LNPK: variants seen among roughly 807,000 people sequenced by gnomAD.
LNPK encodes lunapark, ER junction formation factor, also known as endoplasmic reticulum junction formation protein lunapark.
Under a neutral mutation model 55.2 loss-of-function variants are expected in LNPK, and 29 were observed. That is an observed-to-expected ratio of 0.53 (90% CI 0.39 to 0.72). The LOEUF is 0.72. LNPK is among the 30% of genes least tolerant of loss of function. The probability of loss-of-function intolerance (pLI) is 0.00; values close to 1 mark genes in which losing one functional copy is unlikely to be tolerated. For missense variants in LNPK, 467 were observed against 494.8 expected, an observed-to-expected ratio of 0.94 and a Z score of 0.53; for synonymous variants, 162 against 168.2, an observed-to-expected ratio of 0.96 and a Z score of 0.29.
chr2:175,955,846 T>G (rs961622996), intron 8 of LNPK, among the ~76,000 whole-genome samples: 1 of 152,190 alleles, frequency 6.6e-6, no homozygotes, highest in Non-Finnish European at 1.5e-5. Context: ...CAAAAATAAC[T>G]GATTTTGAAT....
chr2:175,960,284 T>C lies in LNPK; in HGVS notation c.493+4088A>G, dbSNP rs140907306. 3.3e-4 allele frequency among the ~76,000 whole-genome samples: 50 copies of C among 152,200 alleles called. No individual in the cohort carries two copies. In the East Asian group the frequency reaches 9.1e-3, roughly 28 times the overall value. On this transcript the variant is annotated intron_variant, in intron 8 of 12. Coordinates refer to ENST00000272748, the MANE Select transcript of LNPK (RefSeq NM_030650.3). ...CTTCTCAGCATCACATCGCACTTAC[T>C]CCAAAATTGATCACATAGTTGGAAA...
chr2:176,001,598 T>C (rs1199802626), intron 1 of LNPK, among the ~76,000 whole-genome samples: 1 of 152,060 alleles, frequency 6.6e-6, no homozygotes, highest in Admixed American at 6.6e-5. Context: ...GGAGAGTCTC[T>C]TCTCTAAGTA....
chr2:175,965,013 C>G (rs1206896125), intron 6 of LNPK, among the ~76,000 whole-genome samples: 4 of 152,194 alleles, frequency 2.6e-5, no homozygotes, highest in Non-Finnish European at 4.4e-5. Flanking sequence ...AATAAAATCT[C>G]TGTGCCAATT....
At chr2:175,997,348 C>G (rs1043881430) in intron 1 of LNPK, among the ~76,000 whole-genome samples, 2 of 152,132 alleles carry the variant, frequency 1.3e-5, no homozygotes, top group African/African-American at 4.8e-5. Flanking sequence ...AATGATTAAA[C>G]TATAAATTTC....
At chr2:175,955,843 A>G (rs185809751) in intron 8 of LNPK, among the ~76,000 whole-genome samples, 6 of 152,356 alleles carry the variant, frequency 3.9e-5, no homozygotes, top group African/African-American at 1.4e-4. Context: ...CTGCAAAAAT[A>G]ACTGATTTTG....
intron 11 of LNPK, among the ~76,000 whole-genome samples, chr2:175,938,049 T>C (rs1684638265): frequency 2.0e-5 from 3 of 152,310 alleles, no homozygotes; most frequent in South Asian, 4.1e-4. Context: ...AAATGGGTCC[T>C]GGGTATCATA....
chr2:175,954,591 A>G (rs1353528058), intron 8 of LNPK, among the ~76,000 whole-genome samples: 3 of 152,182 alleles, frequency 2.0e-5, no homozygotes, highest in African/African-American at 7.2e-5. Context: ...AATTAAAAAT[A>G]CATTTTGCTT....
chr2:175,993,212 T>G lies in LNPK; in HGVS notation c.39A>C (p.Ser13=). 6.4e-7 allele frequency: 1 copy of G among 1,561,410 alleles called. No individual in the cohort carries two copies. Among genetic ancestry groups the G allele is most frequent in the East Asian group, 2.3e-5 (1 of 43,066 alleles). ...GLFSRWRTKP[S]TVEVLESIDK... is the part of the protein sequence containing the mutation. ...CTATACTTTCTAGAACTTCTACAGT[T>G]GAAGGTTTTGTCTGTTATACAAACA... is the stretch of plus-strand genomic sequence containing the variant. Residue 13 remains serine (S), a synonymous_variant, in exon 3 of 13, where the codon TCA becomes TCC. Transcript: ENST00000272748.
chr2:175,932,899 C>A (rs1220387886), intron 12 of LNPK, among the ~76,000 whole-genome samples: 1 of 152,082 alleles, frequency 6.6e-6, no homozygotes, highest in East Asian at 1.9e-4. Flanking sequence ...GCATAAAATA[C>A]TATAAGAGAA....
rs1684148190 is a variant in LNPK, at chr2:175,929,126, C to T, written c.*841G>A. Reference sequence around the variant, plus strand: ...ATATTTAGCAAAATGAAACTGATGCCAGATTATTTTCATTTTCCTTAATAA... The same window carrying T: ...ATATTTAGCAAAATGAAACTGATGCTAGATTATTTTCATTTTCCTTAATAA... On this transcript the variant is annotated 3_prime_UTR_variant, in exon 13 of 13. Transcript: ENST00000272748. The T allele has an allele frequency of 5.1e-6, 5 of 984,418 alleles. No individual in the cohort carries two copies. The highest frequency in any genetic ancestry group is 4.8e-6 in the Non-Finnish European group (4 of 829,014). The allele number at this position is 984,418 out of a possible 1,614,324, so 61.0% of individuals were successfully genotyped here.
At chr2:175,947,408 GA>G in intron 9 of LNPK, 71 bp downstream of exon 9, 1 of 1,313,646 alleles carries the variant, frequency 7.6e-7, no homozygotes, top group Non-Finnish European at 1.1e-6. Flanking sequence ...CATACCACCT[GA>G]AAATGGCCCG....
chr2:175,929,421 T>C lies in LNPK; in HGVS notation c.*546A>G. ...AGTTCTACTTAACTGTTCCACTGCATTCTTATTGAGAATTCGTACCAGTGC... is the reference window on the plus strand; with the variant it reads ...AGTTCTACTTAACTGTTCCACTGCACTCTTATTGAGAATTCGTACCAGTGC... On this transcript the variant is annotated 3_prime_UTR_variant, in exon 13 of 13. Transcript: ENST00000272748. 1.0e-6 allele frequency: 1 copy of C among 986,098 alleles called. No homozygotes were observed. Among genetic ancestry groups the C allele is most frequent in the Non-Finnish European group, 1.2e-6 (1 of 830,096 alleles). 61.1% of individuals were successfully genotyped at this position (986,098 alleles called of 1,614,324 possible). A position where few individuals can be genotyped will look rare whatever the true frequency, so the allele number is the denominator to read the frequency against.
intron 6 of LNPK, among the ~76,000 whole-genome samples, chr2:175,967,153 A>AT (rs954663292): frequency 1.3e-5 from 2 of 152,006 alleles, no homozygotes; most frequent in Non-Finnish European, 2.9e-5. Context: ...ACATTATAAC[A>AT]TTTTTTTGCA....
rs1683952740 is a variant in LNPK at position 175,925,126 on chromosome 2, A to G, written c.*4841T>C. On this transcript the variant is annotated 3_prime_UTR_variant, in exon 13 of 13. Transcript: ENST00000272748. Reference sequence around the variant, plus strand: ...TACTATATTTTATGAAAATCATCATATAATCAGAATATCTTTCCCCTGACA... The same window carrying G: ...TACTATATTTTATGAAAATCATCATGTAATCAGAATATCTTTCCCCTGACA... 1 of 152,172 alleles carries G rather than the reference A, an allele frequency of 6.6e-6. No homozygotes were observed. The highest frequency in any genetic ancestry group is 2.4e-5 in the African/African-American group (1 of 41,446). 9.4% of individuals were successfully genotyped at this position (152,172 alleles called of 1,614,324 possible). A position where few individuals can be genotyped will look rare whatever the true frequency, so the allele number is the denominator to read the frequency against.
At chr2:175,930,307 CACACACACACAA>C in intron 12 of LNPK, 108 bp from the exon 13 acceptor site, 4 of 377,614 alleles carry the variant, frequency 1.1e-5, no homozygotes, top group Non-Finnish European at 1.9e-5. Flanking sequence ...CACACACACA[CACACACACACAA>C]AGAAACCATA....
upstream of LNPK, chr2:176,002,313 C>T (rs758541446): frequency 2.3e-6 from 1 of 428,342 alleles, no homozygotes; most frequent in Non-Finnish European, 4.6e-6. Flanking sequence ...TCCAGCCGCT[C>T]GCCAATTGGC....
At position 175,933,169 on chromosome 2, in the gene LNPK, TTG is replaced by T. The variant is rs1157981426; in HGVS notation, c.1055-2972_1055-2971del. On this transcript the variant is annotated intron_variant, in intron 12 of 12. Transcript: ENST00000272748. ...ATATTCTTGAGATATTATTATTATT[TTG>T]TTTTACCAAATAGTAACAATTGGCT... is the stretch of plus-strand genomic sequence containing the variant. Among the ~76,000 whole-genome samples, 21 of 152,240 alleles carry T rather than the reference TTG, an allele frequency of 1.4e-4. 1 individual carries two copies. The highest frequency in any genetic ancestry group is 1.0e-3 in the South Asian group (5 of 4,810).
rs937836998 is a variant in LNPK, at chr2:175,924,051, A to G, written c.*5916T>C. 1 of 152,198 alleles carries G rather than the reference A, an allele frequency of 6.6e-6. No homozygotes were observed. Among genetic ancestry groups the G allele is most frequent in the Non-Finnish European group, 1.5e-5 (1 of 68,008 alleles). The allele number at this position is 152,198 out of a possible 1,614,324, so 9.4% of individuals were successfully genotyped here. Reference sequence around the variant, plus strand: ...ATAATTTTGAAACAAGTCAAATTACATAACTGTAACATACAGCAGATCACC... The same window carrying G: ...ATAATTTTGAAACAAGTCAAATTACGTAACTGTAACATACAGCAGATCACC... On this transcript the variant is annotated 3_prime_UTR_variant, in exon 13 of 13. Transcript: ENST00000272748.
chr2:175,992,009 A>T (rs1018089913), intron 4 of LNPK, among the ~76,000 whole-genome samples: 1 of 152,178 alleles, frequency 6.6e-6, no homozygotes. Flanking sequence ...TAGAGCAATT[A>T]TTACTCATAT....
Sources: gnomAD v4.1 joint callset for allele counts (sites outside exome capture counted in the v4.1 genomes callset) on GRCh38, gnomAD v4.1.1 for gene constraint, MANE v1.5 for transcripts, NCBI Gene and HGNC (gene_info 2026-07-23, HGNC 2026-07-21) for gene names.